Variants in SP4 observed in about 807,000 individuals in gnomAD.
SP4 encodes Sp4 transcription factor, also known as transcription factor Sp4.
SP4 carries 19 observed loss-of-function variants against 72.8 expected under a neutral mutation model. The ratio of observed to expected loss-of-function variants is 0.26; its 90% CI spans 0.18 to 0.38. The LOEUF is 0.38. SP4 is among the 10% of genes least tolerant of loss of function. The probability of loss-of-function intolerance (pLI) is 1.00; values close to 1 mark genes in which losing one functional copy is unlikely to be tolerated. For missense variants in SP4, 1,008 were observed against 926.3 expected (o/e 1.09, Z -1.14); for synonymous variants, 395 against 333.1 (o/e 1.19, Z -2.02).
In SP4 at chr7:21,447,167, A is replaced by G. The variant is rs536771194; in HGVS notation, c.1678+16324A>G. The stretch of plus-strand genomic sequence containing the variant: ...CTAGTTAGAAACCAGCTGCCCTTTA[A>G]AGCCATAGTGTGTGATTGCTTAGGC... On this transcript the variant is annotated intron_variant, in intron 3 of 5. Coordinates refer to ENST00000222584, the MANE Select transcript of SP4 (RefSeq NM_003112.5). Among the ~76,000 whole-genome samples the G allele has an allele frequency of 8.7e-4, 132 of 152,284 alleles. 1 individual carries two copies. Among genetic ancestry groups the G allele is most frequent in the African/African-American group, 3.1e-3 (127 of 41,568 alleles).
At chr7:21,476,678 G>T (rs968396340) in intron 3 of SP4, among the ~76,000 whole-genome samples, 1 of 152,130 alleles carries the variant, frequency 6.6e-6, no homozygotes, top group Non-Finnish European at 1.5e-5. Flanking sequence ...AAGATATGTT[G>T]CTTACCGTGG....
chr7:21,446,531 T>G (rs953612468), intron 3 of SP4, among the ~76,000 whole-genome samples: 2 of 152,160 alleles, frequency 1.3e-5, no homozygotes, highest in South Asian at 2.1e-4. Context: ...AGGTCTTGGT[T>G]TTTTTCTTTT....
Position 21,428,572 on chromosome 7 carries a change from G to A in SP4, c.8-105G>A, listed in dbSNP as rs1454092615. ...TGTGCGTGGATCGCGGGTTTATGGA[G>A]ATTAATGTTCGGGGGGAGGGGGGAG... On this transcript the variant is annotated intron_variant, in intron 1 of 5. Transcript: ENST00000222584. 31 of 1,179,152 alleles carry A rather than the reference G, an allele frequency of 2.6e-5. No homozygotes were observed. In the East Asian group the frequency reaches 6.9e-4, roughly 26 times the overall value. 73.0% of individuals were successfully genotyped at this position (1,179,152 alleles called of 1,614,324 possible).
rs183632550 is a variant in SP4 at position 21,486,827 on chromosome 7, C to G, written c.2107+4704C>G. Among the ~76,000 whole-genome samples the G allele has an allele frequency of 7.3e-4, 111 of 152,270 alleles. 1 individual carries two copies. The highest frequency in any genetic ancestry group is 2.4e-3 in the African/African-American group (100 of 41,552). On this transcript the variant is annotated intron_variant, in intron 5 of 5. Coordinates refer to ENST00000222584, the MANE Select transcript of SP4 (RefSeq NM_003112.5). The stretch of plus-strand genomic sequence containing the variant: ...TCAGGGGGAAGAGAACTAAGCTTCA[C>G]CTCCTGAAGGGAGAAGTATCGAAGA...
intron 3 of SP4, among the ~76,000 whole-genome samples, chr7:21,465,328 A>G (rs186104097): frequency 1.3e-5 from 2 of 152,316 alleles, no homozygotes; most frequent in East Asian, 3.9e-4. Flanking sequence ...TGTTGCCTGC[A>G]AAGTCCAAAT....
Position 21,511,095 on chromosome 7 carries a change from A to G in SP4, c.2181A>G (p.Lys727=), listed in dbSNP as rs1425070009. 1 of 1,614,152 alleles carries G rather than the reference A, an allele frequency of 6.2e-7. No individual in the cohort carries two copies. Among genetic ancestry groups the G allele is most frequent in the Admixed American group, 1.7e-5 (1 of 60,016 alleles). Residue 727 remains lysine (K), a synonymous_variant, in exon 6 of 6, where the codon AAA becomes AAG. Coordinates refer to ENST00000222584, the MANE Select transcript of SP4 (RefSeq NM_003112.5). ...MRSDHLSKHV[K]THQNKKGGGT... ...GTGATCATCTCTCCAAACATGTCAA[A>G]ACGCACCAGAATAAAAAAGGTGGTG... is the stretch of plus-strand genomic sequence containing the variant.
At chr7:21,485,250 T>C (rs553873680) in intron 5 of SP4, among the ~76,000 whole-genome samples, 57 of 152,108 alleles carry the variant, frequency 3.7e-4, no homozygotes, top group South Asian at 1.4e-3. Flanking sequence ...TAACCACTAC[T>C]ACAAATAGAA....
intron 4 of SP4, among the ~76,000 whole-genome samples, chr7:21,478,170 C>T (rs1331491961): frequency 6.6e-6 from 1 of 152,162 alleles, no homozygotes; most frequent in Non-Finnish European, 1.5e-5. Context: ...TTTCAAGGTT[C>T]AACCATATTA....
intron 5 of SP4, among the ~76,000 whole-genome samples, chr7:21,488,589 C>T (rs1784887519): frequency 6.7e-6 from 1 of 150,336 alleles, no homozygotes; most frequent in South Asian, 2.1e-4. Flanking sequence ...ATGCTGCTCT[C>T]TTAAACTTTA....
intron 3 of SP4, among the ~76,000 whole-genome samples, chr7:21,454,321 A>G (rs997455256): frequency 6.6e-6 from 1 of 151,382 alleles, no homozygotes; most frequent in Non-Finnish European, 1.5e-5. Flanking sequence ...CTTTACAATT[A>G]TATAACATTT....
intron 4 of SP4, among the ~76,000 whole-genome samples, chr7:21,477,805 G>T (rs1784551600): frequency 6.6e-6 from 1 of 152,182 alleles, no homozygotes; most frequent in Non-Finnish European, 1.5e-5. Flanking sequence ...CCCCCCAAGT[G>T]CTGGGATTAC....
chr7:21,489,763 G>A (rs530537942), intron 5 of SP4, among the ~76,000 whole-genome samples: 1 of 152,080 alleles, frequency 6.6e-6, no homozygotes, highest in South Asian at 2.1e-4. Flanking sequence ...GTTTCACTGT[G>A]TTAGCCAGGA....
At chr7:21,461,747 G>C (rs938593887) in intron 3 of SP4, among the ~76,000 whole-genome samples, 1 of 152,222 alleles carries the variant, frequency 6.6e-6, no homozygotes, top group Non-Finnish European at 1.5e-5. Context: ...GGGCGCCGAG[G>C]CCGAGGAGGC....
At chr7:21,434,537 A>T (rs1263251215) in intron 3 of SP4, among the ~76,000 whole-genome samples, 1 of 152,200 alleles carries the variant, frequency 6.6e-6, no homozygotes, top group Non-Finnish European at 1.5e-5. Flanking sequence ...TAGGAACTAA[A>T]TATGTGTATG....
rs199899232 is a variant in SP4 at position 21,477,291 on chromosome 7, A to G, written c.1891A>G (p.Arg631Gly). The G allele has an allele frequency of 1.2e-6, 2 of 1,611,784 alleles. No individual in the cohort carries two copies. Among genetic ancestry groups the G allele is most frequent in the African/African-American group, 1.3e-5 (1 of 75,034 alleles). The change falls in exon 4 of 6, where the codon AGG becomes GGG. Residue 631 changes from arginine (R) to glycine (G), a missense_variant. Around this residue, in one of 3 missense-constraint regions of SP4, gnomAD observed 893 missense variants for 743.3 expected, o/e 1.20. Coordinates refer to ENST00000222584, the MANE Select transcript of SP4 (RefSeq NM_003112.5). Reference protein sequence around the residue: ...RRVACSCPNCREGEGRGSNEP... With the variant: ...RRVACSCPNCGEGEGRGSNEP... ...AGTTGCCTGTTCCTGTCCTAATTGT[A>G]GGGAAGGAGAAGGAAGGTAAATGCT... is the stretch of plus-strand genomic sequence containing the variant.
At chr7:21,489,772 G>T (rs1784924612) in intron 5 of SP4, among the ~76,000 whole-genome samples, 1 of 151,968 alleles carries the variant, frequency 6.6e-6, no homozygotes, top group East Asian at 1.9e-4. Flanking sequence ...TGTTAGCCAG[G>T]ATGATCTCAA....
At position 21,433,748 on chromosome 7, in the gene SP4, C is replaced by G. The variant is rs1583373656; in HGVS notation, c.1678+2905C>G. Among the ~76,000 whole-genome samples, 3 of 152,242 alleles carry G rather than the reference C, an allele frequency of 2.0e-5. No individual in the cohort carries two copies. The South Asian group carries it at 6.2e-4, about 32-fold the overall frequency. On this transcript the variant is annotated intron_variant, in intron 3 of 5. Transcript: ENST00000222584. Reference sequence around the variant, plus strand: ...CTGAGGTTGGGAGTTCGACACCAGCCTGACCAACATGGAGAAACCCTGTCT... The same window carrying G: ...CTGAGGTTGGGAGTTCGACACCAGCGTGACCAACATGGAGAAACCCTGTCT...
At chr7:21,439,515 T>C (rs1438415824) in intron 3 of SP4, among the ~76,000 whole-genome samples, 2 of 134,600 alleles carry the variant, frequency 1.5e-5, no homozygotes, top group Non-Finnish European at 3.2e-5. Flanking sequence ...TTTTCTTTCC[T>C]TTTTTTTTTT....
chr7:21,433,023 T>G (rs1473612788), intron 3 of SP4, among the ~76,000 whole-genome samples: 1 of 152,158 alleles, frequency 6.6e-6, no homozygotes, highest in Non-Finnish European at 1.5e-5. Context: ...AGTTTGAGAA[T>G]CAAGTGTCTG....
Sources: allele counts gnomAD v4.1 joint callset (sites outside exome capture counted in the v4.1 genomes callset), GRCh38; gene constraint gnomAD v4.1.1; regional missense constraint gnomAD v4.1.1; transcripts MANE v1.5; gene names NCBI Gene and HGNC (gene_info 2026-07-23, HGNC 2026-07-21).